Variants in TOMM70 observed in about 807,000 individuals in gnomAD.
The protein encoded by TOMM70 is translocase of outer mitochondrial membrane 70, also known as mitochondrial import receptor subunit TOM70.
TOMM70 carries 13 observed loss-of-function variants against 73.6 expected under a neutral mutation model. The ratio of observed to expected loss-of-function variants is 0.18; its 90% CI spans 0.11 to 0.28. The LOEUF is 0.28. Ranked by LOEUF, TOMM70 falls within the 10% of genes least tolerant of loss-of-function variation. The probability of loss-of-function intolerance (pLI) is 1.00; values close to 1 mark genes in which losing one functional copy is unlikely to be tolerated. For synonymous variants in TOMM70, 257 were observed against 271.2 expected (o/e 0.95, Z 0.51); for missense variants, 609 against 747.5 (o/e 0.81, Z 2.16).
chr3:100,395,751 A>G (rs991578106), intron 1 of TOMM70, among the ~76,000 whole-genome samples: 10 of 152,194 alleles, frequency 6.6e-5, no homozygotes, highest in Admixed American at 1.3e-4. Flanking sequence ...CATTCATTCA[A>G]CACTTGCTAT....
At position 100,364,556 on chromosome 3, in the gene TOMM70, A is replaced by G. The variant is rs1003396246; in HGVS notation, c.*1008T>C. 1 of 151,238 alleles carries G rather than the reference A, an allele frequency of 6.6e-6. No homozygotes were observed. Among genetic ancestry groups the G allele is most frequent in the Admixed American group, 6.6e-5 (1 of 15,182 alleles). The allele number at this position is 151,238 out of a possible 1,614,324, so 9.4% of individuals were successfully genotyped here. On this transcript the variant is annotated 3_prime_UTR_variant, in exon 12 of 12. Transcript: ENST00000284320. ...TGCACTTTGATTTTAAAAAAGTTCTAAAATTTTTTAAAGGATGGGGTCTTG... is the reference window on the plus strand; with the variant it reads ...TGCACTTTGATTTTAAAAAAGTTCTGAAATTTTTTAAAGGATGGGGTCTTG...
chr3:100,378,606 C>G (rs1164206170), intron 5 of TOMM70, among the ~76,000 whole-genome samples: 3 of 152,136 alleles, frequency 2.0e-5, no homozygotes, highest in African/African-American at 7.2e-5. Context: ...ATCAATGGTA[C>G]TCAACAGTTG....
At chr3:100,378,766 G>A (rs905340931) in intron 5 of TOMM70, among the ~76,000 whole-genome samples, 4 of 152,142 alleles carry the variant, frequency 2.6e-5, no homozygotes, top group Admixed American at 2.6e-4. Flanking sequence ...CAGCACTTTG[G>A]GAGGCAGAGG....
intron 4 of TOMM70, 115 bp downstream of exon 4, chr3:100,384,364 T>A: frequency 1.6e-6 from 1 of 629,076 alleles, no homozygotes; most frequent in Admixed American, 3.0e-5. Context: ...TATAACCCAG[T>A]TCTAATTGCA....
intron 6 of TOMM70, 80 bp downstream of exon 6, chr3:100,377,625 G>T: frequency 1.4e-6 from 2 of 1,404,170 alleles, no homozygotes; most frequent in South Asian, 1.3e-5. Context: ...CAGTTGAAAT[G>T]CTTTAAAAAA....
Position 100,400,903 on chromosome 3 carries a change from A to T in TOMM70, c.47T>A (p.Val16Glu). Reference protein sequence around the residue: ...PVEAAVVAAAVPSSGSGVGGG... With the variant: ...PVEAAVVAAAEPSSGSGVGGG... ...GCCCACCCCACTCCCGGAGCTCGGT[A>T]CAGCGGCTGCGACCACCGCTGCCTC... Residue 16 changes from valine (V) to glutamate (E), a missense_variant, in exon 1 of 12, where the codon GTA becomes GAA. By Grantham distance (121) the Val-to-Glu change is moderately radical. Around this residue, in one of 2 missense-constraint regions of TOMM70, gnomAD observed 177 missense variants for 163.5 expected, o/e 1.08. Transcript: ENST00000284320. 1 of 1,531,936 alleles carries T rather than the reference A, an allele frequency of 6.5e-7. No homozygotes were observed. Among genetic ancestry groups the T allele is most frequent in the Non-Finnish European group, 8.7e-7 (1 of 1,146,008 alleles). The allele number at this position is 1,531,936 out of a possible 1,614,324, so 94.9% of individuals were successfully genotyped here.
At chr3:100,387,597 CAG>C (rs758577552) in intron 1 of TOMM70, among the ~76,000 whole-genome samples, 3,014 of 107,378 alleles carry the variant, frequency 0.028, 45 homozygotes, top group Non-Finnish European at 0.033. Context: ...GACACAGACA[CAG>C]ACACACACAC....
intron 4 of TOMM70, among the ~76,000 whole-genome samples, chr3:100,382,186 C>T (rs762759738): frequency 7.9e-5 from 12 of 152,094 alleles, no homozygotes; most frequent in South Asian, 2.1e-4. Flanking sequence ...ACACAATTAC[C>T]GTTTTAAATA....
chr3:100,369,088 A>G lies in TOMM70; in HGVS notation c.1500T>C (p.Asp500=). 1 of 1,613,554 alleles carries G rather than the reference A, an allele frequency of 6.2e-7. No individual in the cohort carries two copies. Among genetic ancestry groups the G allele is most frequent in the Non-Finnish European group, 8.5e-7 (1 of 1,179,708 alleles). The part of the protein sequence containing the change: ...QQFGKADEMY[D]KCIDLEPDNA... ...TATCTGGTTCCAAATCAATACATTT[A>G]TCATACATTTCATCAGCTTTACCAA... The change falls in exon 10 of 12, where the codon GAT becomes GAC. Residue 500 remains aspartate, a synonymous_variant. Coordinates refer to ENST00000284320, the MANE Select transcript of TOMM70 (RefSeq NM_014820.5).
At chr3:100,378,890 C>T (rs1056622324) in intron 5 of TOMM70, among the ~76,000 whole-genome samples, 1 of 152,086 alleles carries the variant, frequency 6.6e-6, no homozygotes, top group Non-Finnish European at 1.5e-5. Context: ...GCCTATAGTC[C>T]CAGCTACTCG....
In TOMM70 at chr3:100,397,799, C is replaced by A. The variant is rs187918810; in HGVS notation, c.324+2827G>T. On this transcript the variant is annotated intron_variant, in intron 1 of 11. Coordinates refer to ENST00000284320, the MANE Select transcript of TOMM70 (RefSeq NM_014820.5). Reference sequence around the variant, plus strand: ...AGCTACTTGGGAGGCTGAGGCAGGACAATCTCTTGAGCCCAGGAGGCAGAG... The same window carrying A: ...AGCTACTTGGGAGGCTGAGGCAGGAAAATCTCTTGAGCCCAGGAGGCAGAG... Among the ~76,000 whole-genome samples the A allele has an allele frequency of 4.4e-4, 67 of 151,360 alleles. No homozygotes were observed. In the East Asian group the frequency reaches 0.011, roughly 24 times the overall value.
Position 100,400,638 on chromosome 3 carries a change from A to G in TOMM70, c.312T>C (p.Ala104=), listed in dbSNP as rs1168301398. 1 of 1,612,066 alleles carries G rather than the reference A, an allele frequency of 6.2e-7. No homozygotes were observed. The highest frequency in any genetic ancestry group is 1.7e-5 in the Admixed American group (1 of 59,936). Residue 104 remains alanine (A), a synonymous_variant, in exon 1 of 12, where the codon GCT becomes GCC. Coordinates refer to ENST00000284320, the MANE Select transcript of TOMM70 (RefSeq NM_014820.5). ...PGSGHPEGPG[A]HLDMNSLDRA... The stretch of plus-strand genomic sequence containing the variant: ...GGCTGCTTCTCACCATGTCCAAGTG[A>G]GCACCGGGACCTTCAGGGTGTCCGC...
At chr3:100,376,119 G>A (rs937185862) in intron 6 of TOMM70, among the ~76,000 whole-genome samples, 2 of 152,020 alleles carry the variant, frequency 1.3e-5, no homozygotes, top group African/African-American at 2.4e-5. Flanking sequence ...TGGTGGTTTT[G>A]GTTTGCATTT....
chr3:100,390,579 G>T (rs1706747466), intron 1 of TOMM70, among the ~76,000 whole-genome samples: 1 of 152,238 alleles, frequency 6.6e-6, no homozygotes, highest in African/African-American at 2.4e-5. Context: ...TGTAATCCCA[G>T]CACTTTGGGA....
chr3:100,373,785 G>GATTTA (rs1453492763), intron 7 of TOMM70, 140 bp from the exon 8 acceptor site: 2 of 514,958 alleles, frequency 3.9e-6, no homozygotes, highest in Non-Finnish European at 6.6e-6. Flanking sequence ...TAGAAACAGT[G>GATTTA]ATTTAAAAAT....
intron 1 of TOMM70, among the ~76,000 whole-genome samples, chr3:100,398,781 A>C (rs752992064): frequency 6.8e-4 from 103 of 152,312 alleles, no homozygotes; most frequent in Middle Eastern, 3.4e-3. Context: ...GCCCACTATA[A>C]AGCTTACAAA....
intron 6 of TOMM70, among the ~76,000 whole-genome samples, chr3:100,376,369 G>GTT (rs141227349): frequency 1.6e-4 from 19 of 121,748 alleles, no homozygotes; most frequent in Admixed American, 4.0e-4. Context: ...TCACACAGAA[G>GTT]TTTTTTTTTT....
chr3:100,373,429 T>G (rs560867093), intron 8 of TOMM70, 109 bp downstream of exon 8: 2 of 816,950 alleles, frequency 2.4e-6, no homozygotes, highest in South Asian at 3.8e-5. Context: ...TAGTTATCCT[T>G]TGGGAAAGAA....
At chr3:100,366,753 CAG>C (rs1429402545) in intron 11 of TOMM70, among the ~76,000 whole-genome samples, 2 of 152,224 alleles carry the variant, frequency 1.3e-5, no homozygotes, top group South Asian at 2.1e-4. Context: ...CAAACCCTAT[CAG>C]AGGTCTTTAG....
Sources: allele counts gnomAD v4.1 joint callset (sites outside exome capture counted in the v4.1 genomes callset), GRCh38; gene constraint gnomAD v4.1.1; regional missense constraint gnomAD v4.1.1; transcripts MANE v1.5; gene names NCBI Gene and HGNC (gene_info 2026-07-23, HGNC 2026-07-21).